MAP4K2: variants seen among roughly 807,000 people sequenced by gnomAD.
The protein encoded by MAP4K2 is mitogen-activated protein kinase kinase kinase kinase 2.
Under a neutral mutation model 125.3 loss-of-function variants are expected in MAP4K2, and 85 were observed. The ratio of observed to expected loss-of-function variants is 0.68; its 90% CI spans 0.57 to 0.81. MAP4K2 has a LOEUF of 0.81. Among genes scored for constraint, MAP4K2 ranks in the 40% least tolerant of loss-of-function variants. The probability of loss-of-function intolerance (pLI) is 0.00; values close to 1 mark genes in which losing one functional copy is unlikely to be tolerated. For synonymous variants in MAP4K2, 479 were observed against 445.1 expected (o/e 1.08, Z -0.96); for missense variants, 923 against 1,056.4 (o/e 0.87, Z 1.75).
Position 64,800,979 on chromosome 11 carries a change from A to T in MAP4K2, c.583T>A (p.Cys195Ser). The stretch of plus-strand genomic sequence containing the variant: ...GTGATGCCCAGGGCCCAGACGTCAC[A>T]TAGCTCATTGTAGCCACCTTTGCGC... Reference protein sequence around the residue: ...VERKGGYNELCDVWALGITAI... With the variant: ...VERKGGYNELSDVWALGITAI... Residue 195 changes from cysteine to serine, a missense_variant, in exon 9 of 32, where the codon TGT becomes AGT. By Grantham distance (112) the Cys-to-Ser change is moderately radical. Transcript: ENST00000294066. 1 of 1,613,980 alleles carries T rather than the reference A, an allele frequency of 6.2e-7. No homozygotes were observed. Among genetic ancestry groups the T allele is most frequent in the African/African-American group, 1.3e-5 (1 of 75,042 alleles).
chr11:64,801,151 A>G lies in MAP4K2; in HGVS notation c.490T>C (p.Ser164Pro), dbSNP rs1044855006. 6.2e-7 allele frequency: 1 copy of G among 1,613,388 alleles called. No individual in the cohort carries two copies. Among genetic ancestry groups the G allele is most frequent in the Non-Finnish European group, 8.5e-7 (1 of 1,179,956 alleles). The change falls in exon 8 of 32, where the codon TCT (serine) becomes CCT (proline). Residue 164 changes from serine to proline, a missense_variant. This residue lies in a region of MAP4K2 where 833 missense variants were observed against 911.4 expected (regional missense o/e 0.91). Transcript: ENST00000294066. ...DFGVSGELTA[S>P]VAKRRSFIGT... ...ATGAAAGACCTCCTCTTGGCCACAGACGCTGTCAGCTCGCCTGACACCCCA... is the reference window on the plus strand; with the variant it reads ...ATGAAAGACCTCCTCTTGGCCACAGGCGCTGTCAGCTCGCCTGACACCCCA...
Position 64,796,520 on chromosome 11 carries a change from C to T in MAP4K2, c.1606G>A (p.Val536Met), listed in dbSNP as rs375395333. The T allele has an allele frequency of 1.9e-6, 3 of 1,613,810 alleles. No individual in the cohort carries two copies. The highest frequency in any genetic ancestry group is 2.7e-5 in the African/African-American group (2 of 74,934). ...ISHRCSWLYC[V>M]NNVLLSLSGK... ...GAGAGTGACAGCAGCACGTTGTTCA[C>T]GCAGTAGAGCCAGGAGCAGCGATGT... Residue 536 changes from valine (V) to methionine (M), a missense_variant, in exon 23 of 32, where the codon GTG becomes ATG. Transcript: ENST00000294066.
intron 15 of MAP4K2, among the ~76,000 whole-genome samples, chr11:64,798,333 T>A (rs1332456897): frequency 6.6e-6 from 1 of 151,700 alleles, no homozygotes; most frequent in Non-Finnish European, 1.5e-5. Flanking sequence ...ACCGGCTAAT[T>A]TTTTCTATTT....
rs774754763 is a variant in MAP4K2, at chr11:64,797,141, G to A, written c.1328C>T (p.Thr443Met). ...CCGCTGCTTCATGGTGGCCCAGGCC[G>A]TGGGCAGCAGTGGGGAGCTGTTGGG... ...SGPNSSPLLP[T>M]AWATMKQRED... The change falls in exon 19 of 32, where the codon ACG becomes ATG. Residue 443 changes from threonine (T) to methionine (M), a missense_variant. Transcript: ENST00000294066. 10 of 1,614,018 alleles carry A rather than the reference G, an allele frequency of 6.2e-6. No homozygotes were observed. The highest frequency in any genetic ancestry group is 5.0e-5 in the Admixed American group (3 of 60,004).
chr11:64,795,374 G>A (rs1260360982), intron 24 of MAP4K2, among the ~76,000 whole-genome samples: 3 of 151,792 alleles, frequency 2.0e-5, no homozygotes, highest in African/African-American at 7.3e-5. Flanking sequence ...GAGCCACTGC[G>A]CCTGGCCCCA....
At chr11:64,791,170 G>C (rs149629633) in intron 27 of MAP4K2, among the ~76,000 whole-genome samples, 1 of 152,272 alleles carries the variant, frequency 6.6e-6, no homozygotes, top group African/African-American at 2.4e-5. Context: ...ATAAAATCCT[G>C]TGTGTGAGAC....
In MAP4K2 at chr11:64,790,218, G is replaced by A. The variant is rs775752364; in HGVS notation, c.2218C>T (p.Leu740=). The A allele has an allele frequency of 9.3e-6, 15 of 1,614,088 alleles. No homozygotes were observed. Among genetic ancestry groups the A allele is most frequent in the Non-Finnish European group, 1.0e-5 (12 of 1,180,034 alleles). ...GEPTATLAPE[L]TFDFPIETVV... ...GTCTCGATGGGGAAATCAAAGGTCA[G>A]CTCAGGTGCCAGTGTGGCCGTGGGC... Residue 740 remains leucine, a synonymous_variant, in exon 29 of 32, where the codon CTG becomes TTG. Coordinates refer to ENST00000294066, the MANE Select transcript of MAP4K2 (RefSeq NM_004579.5).
chr11:64,801,431 G>C, intron 7 of MAP4K2, 148 bp downstream of exon 7: 1 of 964,952 alleles, frequency 1.0e-6, no homozygotes, highest in Non-Finnish European at 1.6e-6. Flanking sequence ...TTTTCCAGCA[G>C]GGAGGGAGTA....
chr11:64,798,242 C>A (rs1015884264), intron 15 of MAP4K2, among the ~76,000 whole-genome samples: 1 of 151,934 alleles, frequency 6.6e-6, no homozygotes, highest in African/African-American at 2.4e-5. Flanking sequence ...CTCAGCTCAC[C>A]GCAACCTCCG....
intron 2 of MAP4K2, 73 bp from the exon 3 acceptor site, chr11:64,802,726 G>C: frequency 6.6e-7 from 1 of 1,509,000 alleles, no homozygotes; most frequent in South Asian, 1.2e-5. Context: ...CTGCAAAATG[G>C]GCACAGAGTG....
rs1940183788 is a variant in MAP4K2 at position 64,785,571 on chromosome 11, T to G, written c.*3966A>C. On this transcript the variant is annotated 3_prime_UTR_variant, in exon 32 of 32. Transcript: ENST00000294066. Reference sequence around the variant, plus strand: ...TTTTCGGTGATTACTTTTAAATATTTTTTAAAAATTTTTTTCCTTTTTTTT... The same window carrying G: ...TTTTCGGTGATTACTTTTAAATATTGTTTAAAAATTTTTTTCCTTTTTTTT... 6.7e-6 allele frequency: 1 copy of G among 150,276 alleles called. No homozygotes were observed. The highest frequency in any genetic ancestry group is 2.4e-5 in the African/African-American group (1 of 40,910). The allele number at this position is 150,276 out of a possible 1,614,324, so 9.3% of individuals were successfully genotyped here.
chr11:64,791,853 C>A, intron 27 of MAP4K2, 56 bp downstream of exon 27: 1 of 1,452,484 alleles, frequency 6.9e-7, no homozygotes, highest in African/African-American at 1.4e-5. Flanking sequence ...CTGCCTCCCT[C>A]CCTCGGTCTC....
chr11:64,799,288 C>T, intron 14 of MAP4K2, 133 bp downstream of exon 14: 1 of 1,089,586 alleles, frequency 9.2e-7, no homozygotes, highest in African/African-American at 1.6e-5. Context: ...GACAGGCTTG[C>T]TTGGACAGTC....
chr11:64,801,799 T>C (rs1480843768), intron 5 of MAP4K2, 42 bp from the exon 6 acceptor site: 23 of 1,604,398 alleles, frequency 1.4e-5, no homozygotes, highest in Non-Finnish European at 2.0e-5. Flanking sequence ...CACCCAGCAC[T>C]GTCCCACCTC....
Position 64,800,140 on chromosome 11 carries a change from C to T in MAP4K2, c.884G>A (p.Gly295Glu), listed in dbSNP as rs1008881642. Residue 295 changes from glycine to glutamate, a missense_variant, in exon 12 of 32, where the codon GGG becomes GAG. By Grantham distance (98) the Gly-to-Glu change is moderately conservative. Transcript: ENST00000294066. ...LLDKASDPHL[G>E]TPSPEDCELE... is the part of the protein sequence containing the mutation. ...CTCACAGTCCTCAGGGGAGGGGGTCCCCAGATGAGGGTCACTGGCTTTGTC... is the reference window on the plus strand; with the variant it reads ...CTCACAGTCCTCAGGGGAGGGGGTCTCCAGATGAGGGTCACTGGCTTTGTC... 10 of 1,611,798 alleles carry T rather than the reference C, an allele frequency of 6.2e-6. No individual in the cohort carries two copies. Among genetic ancestry groups the T allele is most frequent in the Non-Finnish European group, 7.6e-6 (9 of 1,179,248 alleles).
rs567025186 is a variant in MAP4K2, at chr11:64,786,693, C to G, written c.*2844G>C. ...CTATCACCACGGCATATGTAGCCAC[C>G]GCTAACTCATTAATGCTGCTTCCAG... On this transcript the variant is annotated 3_prime_UTR_variant, in exon 32 of 32. Coordinates refer to ENST00000294066, the MANE Select transcript of MAP4K2 (RefSeq NM_004579.5). 1 of 152,184 alleles carries G rather than the reference C, an allele frequency of 6.6e-6. No homozygotes were observed. Among genetic ancestry groups the G allele is most frequent in the African/African-American group, 2.4e-5 (1 of 41,440 alleles). 9.4% of individuals were successfully genotyped at this position (152,184 alleles called of 1,614,324 possible). A position where few individuals can be genotyped will look rare whatever the true frequency, so the allele number is the denominator to read the frequency against.
chr11:64,790,261 A>C lies in MAP4K2; in HGVS notation c.2175T>G (p.Ile725Met). The change falls in exon 29 of 32, where the codon ATT (isoleucine) becomes ATG (methionine). Residue 725 changes from isoleucine (I) to methionine (M), a missense_variant. Ile to Met is a conservative substitution (Grantham distance 10). Transcript: ENST00000294066. ...CCGTGGGCTCGCCCTGCATGTTGAC[A>C]ATCCTCACACAGCCTGCACAGGGAA... ...ILVSFERCVR[I>M]VNMQGEPTAT... 6.2e-7 allele frequency: 1 copy of C among 1,614,086 alleles called. No homozygotes were observed. The highest frequency in any genetic ancestry group is 1.1e-5 in the South Asian group (1 of 91,086).
intron 15 of MAP4K2, 83 bp from the exon 16 acceptor site, chr11:64,797,747 C>G: frequency 7.4e-7 from 1 of 1,343,404 alleles, no homozygotes. Flanking sequence ...GCTCTGTCAC[C>G]CAGGCCGGAG....
chr11:64,792,031 T>C lies in MAP4K2; in HGVS notation c.1970A>G (p.Asp657Gly). The C allele has an allele frequency of 6.3e-7, 1 of 1,597,518 alleles. No homozygotes were observed. The highest frequency in any genetic ancestry group is 8.5e-7 in the Non-Finnish European group (1 of 1,172,668). The change falls in exon 27 of 32, where the codon GAT becomes GGT. Residue 657 changes from aspartate (D) to glycine (G), a missense_variant. Physicochemically the swap from Asp to Gly is moderately conservative, Grantham distance 94. This residue lies in a region of MAP4K2 where 833 missense variants were observed against 911.4 expected (regional missense o/e 0.91). Transcript: ENST00000294066. ...PAGMLEPLVL[D>G]GKELPQVCVG... is the part of the protein sequence containing the mutation. ...ACACACCTGCGGCAGCTCCTTCCCA[T>C]CCAGCACCAGCGGCTCCAGCATCCC... is the stretch of plus-strand genomic sequence containing the variant.
Sources: gnomAD v4.1 joint callset for allele counts (sites outside exome capture counted in the v4.1 genomes callset) on GRCh38, gnomAD v4.1.1 for gene constraint, gnomAD v4.1.1 regional missense constraint, MANE v1.5 for transcripts, NCBI Gene and HGNC (gene_info 2026-07-23, HGNC 2026-07-21) for gene names.